BPIFB3: variants seen among roughly 807,000 people sequenced by gnomAD.
BPIFB3 encodes the protein BPI fold-containing family B member 3.
A neutral mutation model predicts 53.1 loss-of-function variants in BPIFB3; 49 were observed. The ratio of observed to expected loss-of-function variants is 0.92; its 90% CI spans 0.73 to 1.17. BPIFB3 has a LOEUF of 1.17. BPIFB3 is among the 50% of genes most tolerant of loss of function. The probability of loss-of-function intolerance (pLI) is 0.00; values close to 1 mark genes in which losing one functional copy is unlikely to be tolerated. For missense variants in BPIFB3, 628 were observed against 592.5 expected (o/e 1.06, Z -0.62); for synonymous variants, 271 against 269.6 (o/e 1.01, Z -0.05).
chr20:33,056,815 G>T, intron 2 of BPIFB3, 117 bp downstream of exon 3: 1 of 1,269,350 alleles, frequency 7.9e-7, no homozygotes. Context: ...TGGGAGGGTT[G>T]TGATCCGGGT....
At chr20:33,070,894 A>G (rs1980856993) in intron 11 of BPIFB3, among the ~76,000 whole-genome samples, 1 of 152,126 alleles carries the variant, frequency 6.6e-6, no homozygotes, top group South Asian at 2.1e-4. Flanking sequence ...TCCATCAGTG[A>G]GTTGCTGCCT....
chr20:33,059,462 A>T (rs143710366), exon 3 of BPIFB3: 1 of 1,611,836 alleles, frequency 6.2e-7, no homozygotes, highest in Non-Finnish European at 8.5e-7. Flanking sequence ...TGCACACCAA[A>T]GTGGGCATGC....
intron 10 of BPIFB3, 100 bp from the exon 12 acceptor site, chr20:33,069,787 CT>C (rs1472512884): frequency 2.6e-6 from 3 of 1,167,474 alleles, no homozygotes; most frequent in Non-Finnish European, 3.9e-6. Context: ...ACAGTAGGGC[CT>C]CAGTAAGGGT....
At position 33,070,504 on chromosome 20, in the gene BPIFB3, G is replaced by T. The variant is rs551845368; in HGVS notation, c.1217+549G>T. 3.3e-5 allele frequency among the ~76,000 whole-genome samples: 5 copies of T among 152,330 alleles called. No homozygotes were observed. The South Asian group carries it at 1.0e-3, about 32-fold the overall frequency. ...AGTACTTTACAGTTTGCAAAACGCC[G>T]TGCTGGCCCAGGCTCACACGGCAGG... On this transcript the variant is annotated intron_variant, in intron 11 of 14. Transcript: ENST00000375494.
chr20:33,063,501 C>A, intron 5 of BPIFB3, 114 bp from the exon 7 acceptor site: 1 of 1,162,546 alleles, frequency 8.6e-7, no homozygotes, highest in Non-Finnish European at 1.3e-6. Context: ...TGCCTTCCGC[C>A]TTGCCTTGGT....
chr20:33,059,500 AC>A lies in BPIFB3; in HGVS notation c.386+20del. On this transcript the variant is annotated intron_variant, in intron 3 of 14. Transcript: ENST00000375494. ...TGCTCTGGGTGAGTGTGTCCTGGGG[AC>A]CTCTACCCTCCTGCTTCCTATCCCA... 6.4e-7 allele frequency: 1 copy of A among 1,572,740 alleles called. No individual in the cohort carries two copies. Among genetic ancestry groups the A allele is most frequent in the Non-Finnish European group, 8.7e-7 (1 of 1,149,906 alleles).
At chr20:33,057,148 C>T (rs761835646) in intron 2 of BPIFB3, among the ~76,000 whole-genome samples, 8 of 152,160 alleles carry the variant, frequency 5.3e-5, no homozygotes, top group Non-Finnish European at 8.8e-5. Flanking sequence ...GTTGTGTCCC[C>T]GGGATCATAA....
exon 4 of BPIFB3, chr20:33,059,978 C>T (rs1980380221): frequency 6.2e-7 from 1 of 1,614,192 alleles, no homozygotes; most frequent in Non-Finnish European, 8.5e-7. Flanking sequence ...GCACACCCAT[C>T]CTTATCCTCA....
intron 6 of BPIFB3, among the ~76,000 whole-genome samples, chr20:33,063,937 C>T (rs984847127): frequency 3.0e-4 from 45 of 152,246 alleles, no homozygotes; most frequent in Non-Finnish European, 5.3e-4. Flanking sequence ...ACCTAGTGTG[C>T]GCTTGGCACT....
At position 33,061,837 on chromosome 20, in the gene BPIFB3, T is replaced by G. The variant is rs755158998; in HGVS notation, c.591+6T>G. 6.2e-7 allele frequency: 1 copy of G among 1,614,074 alleles called. No individual in the cohort carries two copies. The highest frequency in any genetic ancestry group is 8.5e-7 in the Non-Finnish European group (1 of 1,179,978). On this transcript the variant is annotated splice_donor_region_variant and intron_variant, in intron 5 of 14. Transcript: ENST00000375494. The stretch of plus-strand genomic sequence containing the variant: ...TCAAGGTGCTTCCGGGACTGGTGAG[T>G]GTGCGGGCCGTGTGCCAGCATGCCC...
Position 33,063,596 on chromosome 20 carries a change from A to G in BPIFB3, c.592-19A>G, listed in dbSNP as rs1312547478. Reference sequence around the variant, plus strand: ...AGTGAGCTCTTCTTTGCCCTGTAACATGTGTCTCCCTGACACAGCTGTGCC... The same window carrying G: ...AGTGAGCTCTTCTTTGCCCTGTAACGTGTGTCTCCCTGACACAGCTGTGCC... On this transcript the variant is annotated intron_variant, in intron 5 of 14. Transcript: ENST00000375494. 6.2e-7 allele frequency: 1 copy of G among 1,613,298 alleles called. No homozygotes were observed. Among genetic ancestry groups the G allele is most frequent in the Admixed American group, 1.7e-5 (1 of 59,932 alleles).
chr20:33,055,543 C>G, exon 1 of BPIFB3: 1 of 1,613,488 alleles, frequency 6.2e-7, no homozygotes, highest in Non-Finnish European at 8.5e-7. Context: ...ATGAACTCGG[C>G]AAAGGTGAGC....
chr20:33,060,010 G>A lies in BPIFB3; in HGVS notation c.506G>A (p.Gly169Asp), dbSNP rs780356284. ...CTCAAGCGCTGCAGCACGCTCCTGG[G>A]CCACATCAGCCTGTTCTCAGGGTGA... The change falls in exon 4 of 15, where the codon GGC (glycine) becomes GAC (aspartate). Residue 169 changes from glycine to aspartate, a missense_variant. Gly to Asp is a moderately conservative substitution (Grantham distance 94). Coordinates refer to ENST00000375494, the Ensembl canonical transcript of BPIFB3. 3.7e-6 allele frequency: 6 copies of A among 1,613,916 alleles called. No homozygotes were observed. The highest frequency in any genetic ancestry group is 1.7e-5 in the Admixed American group (1 of 60,004).
chr20:33,069,277 T>A (rs1328471792), intron 10 of BPIFB3, among the ~76,000 whole-genome samples: 1 of 152,142 alleles, frequency 6.6e-6, no homozygotes, highest in Non-Finnish European at 1.5e-5. Context: ...GCTATCTCCC[T>A]GACGACCCTC....
rs748326105 is a variant in BPIFB3, at chr20:33,060,040, G to C, written c.527+9G>C. The C allele has an allele frequency of 6.2e-7, 1 of 1,613,118 alleles. No homozygotes were observed. The highest frequency in any genetic ancestry group is 8.5e-7 in the Non-Finnish European group (1 of 1,179,582). On this transcript the variant is annotated intron_variant, in intron 4 of 14. Transcript: ENST00000375494. ...ATCAGCCTGTTCTCAGGGTGAGTCTGCAGGTTCCAGCCTGCAACCCTGACC... is the reference window on the plus strand; with the variant it reads ...ATCAGCCTGTTCTCAGGGTGAGTCTCCAGGTTCCAGCCTGCAACCCTGACC...
rs149445561 is a variant in BPIFB3 at position 33,060,001 on chromosome 20, C to G, written c.497C>G (p.Thr166Arg). Residue 166 changes from threonine (T) to arginine (R), a missense_variant, in exon 4 of 15, where the codon ACG becomes AGG. Transcript: ENST00000375494. ...ATCCTTATCCTCAAGCGCTGCAGCA[C>G]GCTCCTGGGCCACATCAGCCTGTTC... 3.1e-5 allele frequency: 50 copies of G among 1,614,110 alleles called. No homozygotes were observed. Among genetic ancestry groups the G allele is most frequent in the Non-Finnish European group, 4.1e-5 (48 of 1,180,004 alleles).
chr20:33,059,672 A>T (rs940014897), intron 3 of BPIFB3, among the ~76,000 whole-genome samples, 190 bp downstream of exon 4: 2 of 149,990 alleles, frequency 1.3e-5, no homozygotes, highest in African/African-American at 4.9e-5. Context: ...GCCCTTCCCC[A>T]GGGACTTCCA....
At chr20:33,069,488 G>T (rs1980799469) in intron 10 of BPIFB3, among the ~76,000 whole-genome samples, 1 of 152,090 alleles carries the variant, frequency 6.6e-6, no homozygotes, top group Non-Finnish European at 1.5e-5. Context: ...AGGTCTACCA[G>T]GTCCTCCCTC....
chr20:33,070,696 C>T (rs575045959), intron 11 of BPIFB3, among the ~76,000 whole-genome samples: 1 of 152,348 alleles, frequency 6.6e-6, no homozygotes, highest in Non-Finnish European at 1.5e-5. Flanking sequence ...TTAGCACCCC[C>T]ACAGGCTCCT....
Sources: allele counts gnomAD v4.1 joint callset (sites outside exome capture counted in the v4.1 genomes callset), GRCh38; gene constraint gnomAD v4.1.1; transcripts MANE v1.5; gene names NCBI Gene and HGNC (gene_info 2026-07-23, HGNC 2026-07-21).